LRRC31: variants seen among roughly 807,000 people sequenced by gnomAD.
LRRC31 encodes the protein leucine-rich repeat-containing protein 31.
In LRRC31, 35 loss-of-function variants were observed where a neutral mutation model predicts 46.7. That is an observed-to-expected ratio of 0.75 (90% CI 0.57 to 0.99). The LOEUF is 0.99. LRRC31 is among the 50% of genes least tolerant of loss of function. The pLI, the probability that LRRC31 is intolerant of heterozygous loss-of-function variation, is 0.00. For missense variants in LRRC31, 613 were observed against 626.1 expected, an observed-to-expected ratio of 0.98 and a Z score of 0.22; for synonymous variants, 236 against 235.1, an observed-to-expected ratio of 1.00 and a Z score of -0.03.
intron 6 of LRRC31, chr3:169,853,448 G>A (rs924814107): frequency 4.1e-6 from 4 of 985,406 alleles, no homozygotes; most frequent in East Asian, 1.1e-4. Flanking sequence ...CCTAGGTAAG[G>A]AAAGCTTAGT....
At chr3:169,862,419 T>C (rs1282719963) in intron 1 of LRRC31, among the ~76,000 whole-genome samples, 1 of 152,204 alleles carries the variant, frequency 6.6e-6, no homozygotes. Flanking sequence ...TCCTTGTTAT[T>C]AGGGACTACT....
chr3:169,848,224 C>A lies in LRRC31; in HGVS notation c.1223G>T (p.Gly408Val), dbSNP rs756075859. The change falls in exon 8 of 9, where the codon GGT becomes GTT. Residue 408 changes from glycine to valine, a missense_variant. Transcript: ENST00000316428. Reference sequence around the variant, plus strand: ...TTCCAGAAGCAGCTTCAAGTTGCCACCAACACACTTGTTCCAAGAAAGGTT... The same window carrying A: ...TTCCAGAAGCAGCTTCAAGTTGCCAACAACACACTTGTTCCAAGAAAGGTT... ...VFNLSWNKCV[G>V]GNLKLLLETL... 7.4e-6 allele frequency: 12 copies of A among 1,614,184 alleles called. No homozygotes were observed. The East Asian group carries it at 2.7e-4, about 36-fold the overall frequency.
At chr3:169,864,001 AGTGT>A (rs35795931) in intron 1 of LRRC31, among the ~76,000 whole-genome samples, 245 of 148,714 alleles carry the variant, frequency 1.6e-3, no homozygotes, top group South Asian at 2.8e-3. Context: ...TCCAAAGCCT[AGTGT>A]GTGTGTGTGT....
Position 169,865,385 on chromosome 3 carries a change from G to A in LRRC31, c.176-3572C>T, listed in dbSNP as rs116530934. On this transcript the variant is annotated intron_variant, in intron 1 of 8. Coordinates refer to ENST00000316428, the MANE Select transcript of LRRC31 (RefSeq NM_024727.4). ...GGGGTGGGAGGCACCCATGGGGGGC[G>A]CATTAGTAACCACACAGGAGCCGCT... 5.1e-3 allele frequency among the ~76,000 whole-genome samples: 784 copies of A among 152,284 alleles called. 1 individual carries two copies. The highest frequency in any genetic ancestry group is 8.2e-3 in the African/African-American group (343 of 41,582).
Position 169,848,266 on chromosome 3 carries a change from G to C in LRRC31, c.1181C>G (p.Ser394Cys). ...AGAAAGGTTGAATACTTCCAGAGCA[G>C]AGAGGTGAACAGAGGCTTCAGCTAA... ...TALAEASVHL[S>C]ALEVFNLSWN... The change falls in exon 8 of 9, where the codon TCT (serine) becomes TGT (cysteine). Residue 394 changes from serine to cysteine, a missense_variant. Transcript: ENST00000316428. 1.2e-6 allele frequency: 2 copies of C among 1,614,206 alleles called. No homozygotes were observed. The highest frequency in any genetic ancestry group is 1.7e-6 in the Non-Finnish European group (2 of 1,180,012).
intron 1 of LRRC31, 86 bp from the exon 2 acceptor site, chr3:169,861,899 A>G (rs982975468): frequency 1.5e-6 from 2 of 1,356,422 alleles, no homozygotes; most frequent in Non-Finnish European, 2.0e-6. Flanking sequence ...AAGTGAAAAG[A>G]CTGCATAACT....
At chr3:169,851,397 T>C (rs1780760773) in intron 7 of LRRC31, among the ~76,000 whole-genome samples, 1 of 151,944 alleles carries the variant, frequency 6.6e-6, no homozygotes, top group African/African-American at 2.4e-5. Context: ...TGGGTGACAA[T>C]CTGTCTCAAA....
In LRRC31 at chr3:169,856,440, A is replaced by G. The variant is rs201277489; in HGVS notation, c.719T>C (p.Val240Ala). The change falls in exon 5 of 9, where the codon GTT (valine) becomes GCT (alanine). Residue 240 changes from valine (V) to alanine (A), a missense_variant. By Grantham distance (64) the Val-to-Ala change is moderately conservative. Coordinates refer to ENST00000316428, the MANE Select transcript of LRRC31 (RefSeq NM_024727.4). ...CTGAGCAATACTGTTCAGACTGCCA[A>G]CAATGTCTCTGTTAATGGAAAGATC... is the stretch of plus-strand genomic sequence containing the variant. ...VLDLSINRDI[V>A]GSLNSIAQGL... 1.6e-4 allele frequency: 258 copies of G among 1,607,216 alleles called. No individual in the cohort carries two copies. In the African/African-American group the frequency reaches 3.1e-3, roughly 19 times the overall value.
chr3:169,861,610 T>A, intron 2 of LRRC31, 60 bp downstream of exon 2: 1 of 1,566,708 alleles, frequency 6.4e-7, no homozygotes, highest in Non-Finnish European at 8.7e-7. Flanking sequence ...GTATGTTTTA[T>A]CTGCTTATCT....
intron 8 of LRRC31, among the ~76,000 whole-genome samples, chr3:169,841,900 C>T (rs1780461176): frequency 6.6e-6 from 1 of 152,014 alleles, no homozygotes; most frequent in African/African-American, 2.4e-5. Flanking sequence ...CAAAAATGAG[C>T]TGGGCATGGT....
chr3:169,852,141 G>A (rs985323648), intron 6 of LRRC31, among the ~76,000 whole-genome samples: 1 of 151,822 alleles, frequency 6.6e-6, no homozygotes, highest in African/African-American at 2.4e-5. Context: ...CTCACTGCCT[G>A]TAATCCCAGC....
rs559919191 is a variant in LRRC31, at chr3:169,852,170, G to C, written c.992-384C>G. 4.1e-3 allele frequency among the ~76,000 whole-genome samples: 621 copies of C among 151,774 alleles called. 4 individuals carry two copies. Among genetic ancestry groups the C allele is most frequent in the African/African-American group, 0.014 (588 of 41,378 alleles). On this transcript the variant is annotated intron_variant, in intron 6 of 8. Transcript: ENST00000316428. ...TCCCAGCACTTTGGGAGGCTGAGGCGGGTGGATCACGAGGTCAGGAGATCG... is the reference window on the plus strand; with the variant it reads ...TCCCAGCACTTTGGGAGGCTGAGGCCGGTGGATCACGAGGTCAGGAGATCG...
intron 8 of LRRC31, among the ~76,000 whole-genome samples, chr3:169,842,022 G>A (rs1023495565): frequency 1.3e-5 from 2 of 152,030 alleles, no homozygotes; most frequent in African/African-American, 4.8e-5. Context: ...TCTAGCCTGG[G>A]TGACACAGCA....
rs1211426527 is a variant in LRRC31 at position 169,840,110 on chromosome 3, T to A, written c.1531A>T (p.Lys511Ter). The A allele has an allele frequency of 5.0e-6, 8 of 1,614,124 alleles. No homozygotes were observed. Among genetic ancestry groups the A allele is most frequent in the Non-Finnish European group, 6.8e-6 (8 of 1,180,022 alleles). ...WFRHLLYAVT[K>*]LPQITEIGMK... is the part of the protein sequence containing the mutation. Reference sequence around the variant, plus strand: ...CCTATCTCAGTGATCTGAGGAAGCTTGGTCACAGCATATAACAAGTGTCTA... The same window carrying A: ...CCTATCTCAGTGATCTGAGGAAGCTAGGTCACAGCATATAACAAGTGTCTA... Residue 511 changes from lysine to a stop codon, truncating the protein, a stop_gained, in exon 9 of 9, where the codon AAG becomes TAG. Coordinates refer to ENST00000316428, the MANE Select transcript of LRRC31 (RefSeq NM_024727.4). LOFTEE classifies it low-confidence loss of function (END_TRUNC).
At chr3:169,841,725 C>T (rs1430134715) in intron 8 of LRRC31, among the ~76,000 whole-genome samples, 2 of 152,066 alleles carry the variant, frequency 1.3e-5, no homozygotes, top group Admixed American at 6.6e-5. Context: ...TCATCTAGTC[C>T]CCTTTCTTCT....
At chr3:169,841,377 A>G (rs903519720) in intron 8 of LRRC31, among the ~76,000 whole-genome samples, 1 of 152,170 alleles carries the variant, frequency 6.6e-6, no homozygotes, top group African/African-American at 2.4e-5. Context: ...CCTCACACGC[A>G]TGGCTTTCAG....
Position 169,856,821 on chromosome 3 carries a change from T to C in LRRC31, c.539A>G (p.Asn180Ser). 1 of 1,610,066 alleles carries C rather than the reference T, an allele frequency of 6.2e-7. No individual in the cohort carries two copies. The highest frequency in any genetic ancestry group is 8.5e-7 in the Non-Finnish European group (1 of 1,178,258). Residue 180 changes from asparagine to serine, a missense_variant, in exon 4 of 9, where the codon AAC becomes AGC. Coordinates refer to ENST00000316428, the MANE Select transcript of LRRC31 (RefSeq NM_024727.4). ...AGGCAAATTTCCTCCCACTTTACTG[T>C]TCCAAGACAAATTTAGCTCTTCAAG... ...PELEELNLSW[N>S]SKVGGNLPLI...
At chr3:169,844,525 G>T (rs1160950877) in intron 8 of LRRC31, among the ~76,000 whole-genome samples, 1 of 152,092 alleles carries the variant, frequency 6.6e-6, no homozygotes, top group Non-Finnish European at 1.5e-5. Flanking sequence ...TAGCTTAGGG[G>T]ACTAAGACTG....
At chr3:169,841,141 G>C (rs1030795949) in intron 8 of LRRC31, among the ~76,000 whole-genome samples, 1 of 152,202 alleles carries the variant, frequency 6.6e-6, no homozygotes, top group African/African-American at 2.4e-5. Context: ...TGGCTGAACT[G>C]TTCTTTCAAG....
Sources: gnomAD v4.1 joint callset for allele counts (sites outside exome capture counted in the v4.1 genomes callset) on GRCh38, gnomAD v4.1.1 for gene constraint, MANE v1.5 for transcripts, NCBI Gene and HGNC (gene_info 2026-07-23, HGNC 2026-07-21) for gene names.